FAM193A: variants seen among roughly 807,000 people sequenced by gnomAD.
FAM193A encodes family with sequence similarity 193 member A.
A neutral mutation model predicts 126.5 loss-of-function variants in FAM193A; 22 were observed. The observed-to-expected ratio is 0.17, with a 90% confidence interval of 0.12 to 0.25. The LOEUF is 0.25. Ranked by LOEUF, FAM193A falls within the 10% of genes least tolerant of loss-of-function variation. FAM193A has a pLI of 1.00. For synonymous variants in FAM193A, 761 were observed against 646.8 expected, an observed-to-expected ratio of 1.18 and a Z score of -2.68; for missense variants, 1,675 against 1,672.8, an observed-to-expected ratio of 1.00 and a Z score of -0.02.
At chr4:2,688,505 T>C (rs1377926240) in intron 13 of FAM193A, among the ~76,000 whole-genome samples, 1 of 151,476 alleles carries the variant, frequency 6.6e-6, no homozygotes, top group Non-Finnish European at 1.5e-5. Flanking sequence ...AGAAGGTGAA[T>C]AGGCGTGTGC....
intron 2 of FAM193A, chr4:2,608,220 C>T: frequency 2.5e-6 from 3 of 1,188,134 alleles, no homozygotes; most frequent in Admixed American, 2.1e-5. Flanking sequence ...TCGGTCTCGC[C>T]CAGTATGGAG....
At chr4:2,595,572 C>T (rs770685893) in intron 1 of FAM193A, among the ~76,000 whole-genome samples, 1 of 152,148 alleles carries the variant, frequency 6.6e-6, no homozygotes, top group Non-Finnish European at 1.5e-5. Context: ...TACTGCTGGG[C>T]CTGGAAGGGC....
At chr4:2,717,074 C>T (rs933206210) in intron 20 of FAM193A, among the ~76,000 whole-genome samples, 9 of 151,358 alleles carry the variant, frequency 5.9e-5, no homozygotes, top group Non-Finnish European at 1.2e-4. Context: ...CCACCTCCTA[C>T]GTTCAAGCGA....
intron 20 of FAM193A, among the ~76,000 whole-genome samples, chr4:2,728,895 A>ATTTTTTTTTTTTTTTTTTTTTT (rs1491485597): frequency 9.5e-6 from 1 of 105,710 alleles, no homozygotes; most frequent in African/African-American, 4.7e-5. Flanking sequence ...CACCTCCAAA[A>ATTTTTTTTTTTTTTTTTTTTTT]CTTTTTTTTT....
intron 5 of FAM193A, among the ~76,000 whole-genome samples, chr4:2,637,767 T>C (rs2109020257): frequency 6.6e-6 from 1 of 152,306 alleles, no homozygotes; most frequent in Middle Eastern, 3.4e-3. Flanking sequence ...CGATGGGGCA[T>C]GGGCAGGGCA....
rs1560586911 is a variant in FAM193A, at chr4:2,700,299, A to G, written c.4127A>G (p.Lys1376Arg). The G allele has an allele frequency of 2.5e-6, 4 of 1,614,004 alleles. No homozygotes were observed. In the African/African-American group the frequency reaches 4.0e-5, roughly 16 times the overall value. ...KPRAQTESKA[K>R]VVDLMSITEQ... Reference sequence around the variant, plus strand: ...CGGGCCCAGACTGAGTCAAAGGCTAAGGTGGTCGACCTCATGTCCATCACA... The same window carrying G: ...CGGGCCCAGACTGAGTCAAAGGCTAGGGTGGTCGACCTCATGTCCATCACA... Residue 1376 changes from lysine (K) to arginine (R), a missense_variant, in exon 19 of 21, where the codon AAG becomes AGG. Around this residue, in one of 4 missense-constraint regions of FAM193A, gnomAD observed 415 missense variants for 396.7 expected, o/e 1.05. Transcript: ENST00000637812.
At chr4:2,615,769 G>A (rs1461418132) in intron 2 of FAM193A, among the ~76,000 whole-genome samples, 3 of 152,084 alleles carry the variant, frequency 2.0e-5, no homozygotes, top group Non-Finnish European at 4.4e-5. Context: ...TGCCGTCCTC[G>A]GCCTCCGAAA....
chr4:2,606,759 A>G (rs901536681), intron 2 of FAM193A, among the ~76,000 whole-genome samples: 3 of 152,078 alleles, frequency 2.0e-5, no homozygotes, highest in Admixed American at 1.3e-4. Context: ...ATTTGTTACA[A>G]AAAAATCATA....
rs1740092206 is a variant in FAM193A at position 2,583,984 on chromosome 4, C to T, written c.256-12100C>T. Among the ~76,000 whole-genome samples, 5 of 152,078 alleles carry T rather than the reference C, an allele frequency of 3.3e-5. No homozygotes were observed. In the South Asian group the frequency reaches 8.3e-4, roughly 25 times the overall value. Reference sequence around the variant, plus strand: ...GTTTTTTGGTGTAAGTCCAGTTTACCAATTTTTTTAATGATTAGTGCTTTT... The same window carrying T: ...GTTTTTTGGTGTAAGTCCAGTTTACTAATTTTTTTAATGATTAGTGCTTTT... On this transcript the variant is annotated intron_variant, in intron 1 of 20. Coordinates refer to ENST00000637812, the MANE Select transcript of FAM193A (RefSeq NM_001366318.2).
intron 15 of FAM193A, among the ~76,000 whole-genome samples, chr4:2,693,068 A>G (rs1363036315): frequency 6.6e-6 from 1 of 151,760 alleles, no homozygotes; most frequent in Admixed American, 6.6e-5. Context: ...TTTTTCTTTG[A>G]GACGGAGTCT....
At chr4:2,697,365 C>G (rs1717158449) in intron 18 of FAM193A, among the ~76,000 whole-genome samples, 2 of 152,062 alleles carry the variant, frequency 1.3e-5, no homozygotes, top group Non-Finnish European at 2.9e-5. Flanking sequence ...AAAAAAAAGA[C>G]AACTTTTTTC....
chr4:2,567,369 G>A (rs898639265), intron 1 of FAM193A, among the ~76,000 whole-genome samples: 1 of 152,110 alleles, frequency 6.6e-6, no homozygotes, highest in Non-Finnish European at 1.5e-5. Flanking sequence ...CTTCTACTTC[G>A]CTATATGTAT....
intron 2 of FAM193A, among the ~76,000 whole-genome samples, chr4:2,620,067 T>C (rs911154790): frequency 1.3e-5 from 2 of 152,226 alleles, no homozygotes; most frequent in Non-Finnish European, 2.9e-5. Flanking sequence ...CGTTACTGGA[T>C]GCTGGACATT....
intron 19 of FAM193A, among the ~76,000 whole-genome samples, chr4:2,701,220 T>C (rs1264332198): frequency 6.6e-6 from 1 of 151,616 alleles, no homozygotes; most frequent in East Asian, 1.9e-4. Context: ...ACTGATCCAA[T>C]GCTATTCTCT....
Position 2,552,129 on chromosome 4 carries a change from A to G in FAM193A, c.255+14959A>G, listed in dbSNP as rs926554096. Among the ~76,000 whole-genome samples the G allele has an allele frequency of 3.4e-5, 5 of 148,728 alleles. No homozygotes were observed. In the Admixed American group the frequency reaches 3.5e-4, roughly 10 times the overall value. ...TGGGTTTACGCCATTCTCCTGCCTC[A>G]GCCTCCGGAGTAGCTGGGACTACAG... On this transcript the variant is annotated intron_variant, in intron 1 of 20. Transcript: ENST00000637812.
intron 13 of FAM193A, among the ~76,000 whole-genome samples, chr4:2,678,201 G>A (rs1337717944): frequency 6.6e-6 from 1 of 152,026 alleles, no homozygotes; most frequent in Non-Finnish European, 1.5e-5. Context: ...AGCCAGGATG[G>A]TCCCAATCTC....
chr4:2,536,244 G>T (rs901546749), upstream of FAM193A, among the ~76,000 whole-genome samples: 1 of 151,626 alleles, frequency 6.6e-6, no homozygotes, highest in African/African-American at 2.4e-5. Flanking sequence ...TTGCCTCGCG[G>T]GCGGCGGCGC....
chr4:2,553,893 C>G (rs1029158315), intron 1 of FAM193A, among the ~76,000 whole-genome samples: 3 of 152,178 alleles, frequency 2.0e-5, no homozygotes, highest in Non-Finnish European at 4.4e-5. Context: ...GGCAAGCTCT[C>G]TCTTTTTGCC....
In FAM193A at chr4:2,731,056, C is replaced by T. The variant is rs147040242; in HGVS notation, c.4455-719C>T. 2.8e-4 allele frequency among the ~76,000 whole-genome samples: 42 copies of T among 150,804 alleles called. No individual in the cohort carries two copies. In the East Asian group the frequency reaches 7.9e-3, roughly 28 times the overall value. On this transcript the variant is annotated intron_variant, in intron 20 of 20. Coordinates refer to ENST00000637812, the MANE Select transcript of FAM193A (RefSeq NM_001366318.2). ...ACTAAAAATACAAAAATCAGCTGGA[C>T]GTGGTGGTGGGCACCTGTAATCCCA...
Sources: allele counts gnomAD v4.1 joint callset (sites outside exome capture counted in the v4.1 genomes callset), GRCh38; gene constraint gnomAD v4.1.1; regional missense constraint gnomAD v4.1.1; transcripts MANE v1.5; gene names NCBI Gene and HGNC (gene_info 2026-07-23, HGNC 2026-07-21).